Variants in KANK4 observed in about 807,000 individuals in gnomAD.
The protein encoded by KANK4 is KN motif and ankyrin repeat domains 4, also known as KN motif and ankyrin repeat domain-containing protein 4.
Under a neutral mutation model 80.8 loss-of-function variants are expected in KANK4, and 50 were observed. The ratio of observed to expected loss-of-function variants is 0.62; its 90% confidence interval spans 0.49 to 0.78. The LOEUF (loss-of-function observed/expected upper bound fraction) is 0.78, where lower values mean the gene tolerates loss of function less well. KANK4 is among the 30% of genes least tolerant of loss of function. The pLI, the probability that KANK4 is intolerant of heterozygous loss-of-function variation, is 0.00. For missense variants in KANK4, 1,196 were observed against 1,240.1 expected (o/e 0.96, Z 0.53); for synonymous variants, 465 against 506.9 (o/e 0.92, Z 1.11).
At chr1:62,297,257 A>G (rs1298061115) in intron 1 of KANK4, among the ~76,000 whole-genome samples, 4 of 151,284 alleles carry the variant, frequency 2.6e-5, no homozygotes, top group African/African-American at 9.8e-5. Flanking sequence ...TAAATAAAAA[A>G]TACTAGTAAA....
At chr1:62,275,161 ATC>A in intron 2 of KANK4, 74 bp from the exon 3 acceptor site, 1 of 1,152,336 alleles carries the variant, frequency 8.7e-7, no homozygotes, top group South Asian at 1.5e-5. Flanking sequence ...GAGGCCTAAT[ATC>A]TCTGATTTTA....
At chr1:62,317,990 A>G (rs1236859934) in intron 1 of KANK4, among the ~76,000 whole-genome samples, 1 of 152,164 alleles carries the variant, frequency 6.6e-6, no homozygotes, top group Non-Finnish European at 1.5e-5. Flanking sequence ...CTGGGCTTGA[A>G]AAGGCAGTAT....
intron 1 of KANK4, among the ~76,000 whole-genome samples, chr1:62,316,327 T>C (rs553719429): frequency 3.3e-4 from 50 of 152,300 alleles, no homozygotes; most frequent in African/African-American, 9.9e-4. Flanking sequence ...AATATTTTTC[T>C]CCCTGTCACA....
chr1:62,318,949 G>A (rs1238087226), intron 1 of KANK4, among the ~76,000 whole-genome samples, 157 bp downstream of exon 1: 1 of 152,242 alleles, frequency 6.6e-6, no homozygotes, highest in African/African-American at 2.4e-5. Flanking sequence ...CTGCTTTAAA[G>A]GGAGCCGGGG....
intron 1 of KANK4, among the ~76,000 whole-genome samples, chr1:62,318,027 G>A (rs1034917784): frequency 5.3e-5 from 8 of 152,166 alleles, no homozygotes; most frequent in African/African-American, 1.9e-4. Context: ...TCCATTCCCA[G>A]TGTAGCTTTC....
intron 1 of KANK4, among the ~76,000 whole-genome samples, chr1:62,309,865 G>C (rs1644484049): frequency 6.6e-6 from 1 of 152,176 alleles, no homozygotes; most frequent in South Asian, 2.1e-4. Flanking sequence ...TTCAAAAGCG[G>C]GGAATTTCTC....
At chr1:62,262,215 A>G (rs1671902916) in intron 7 of KANK4, among the ~76,000 whole-genome samples, 1 of 152,240 alleles carries the variant, frequency 6.6e-6, no homozygotes, top group Non-Finnish European at 1.5e-5. Flanking sequence ...GACAGAGTAC[A>G]AAACCTGACT....
Position 62,236,593 on chromosome 1 carries a change from ATT to A in KANK4, c.*1682_*1683del, listed in dbSNP as rs11449212. Reference sequence around the variant, plus strand: ...ATGGCCTTAATGGGTTACAAATTGGATTTTTTTTTTTTTTTTTTTTGAGACAG... The same window carrying A: ...ATGGCCTTAATGGGTTACAAATTGGATTTTTTTTTTTTTTTTTTGAGACAG... On this transcript the variant is annotated 3_prime_UTR_variant, in exon 10 of 10. Coordinates refer to ENST00000371153, the MANE Select transcript of KANK4 (RefSeq NM_181712.5). Among the ~76,000 whole-genome samples, 44,424 of 123,956 alleles carry A rather than the reference ATT, an allele frequency of 0.36. 7,575 individuals are homozygous for A. The highest frequency in any genetic ancestry group is 0.78 in the East Asian group (3,259 of 4,152). 81.3% of individuals were successfully genotyped at this position (123,956 alleles called of 152,430 possible). A position where few individuals can be genotyped will look rare whatever the true frequency, so the allele number is the denominator to read the frequency against.
At chr1:62,289,826 G>T (rs1672644387) in intron 1 of KANK4, among the ~76,000 whole-genome samples, 1 of 152,118 alleles carries the variant, frequency 6.6e-6, no homozygotes. Context: ...TAACATAATT[G>T]AAGGGCAAGT....
At chr1:62,316,770 A>G (rs1219907726) in intron 1 of KANK4, among the ~76,000 whole-genome samples, 2 of 152,186 alleles carry the variant, frequency 1.3e-5, no homozygotes, top group African/African-American at 4.8e-5. Context: ...TTTCCATCCA[A>G]CAAGCATTTT....
At chr1:62,309,041 G>A (rs1329433755) in intron 1 of KANK4, among the ~76,000 whole-genome samples, 1 of 152,146 alleles carries the variant, frequency 6.6e-6, no homozygotes, top group Admixed American at 6.5e-5. Context: ...AGCCTGTCTG[G>A]GCTGCTATCA....
intron 6 of KANK4, among the ~76,000 whole-genome samples, chr1:62,265,384 C>T (rs1192732695): frequency 6.6e-6 from 1 of 151,948 alleles, no homozygotes; most frequent in East Asian, 1.9e-4. Context: ...GGACTACAGG[C>T]GTGTGCCACC....
intron 9 of KANK4, among the ~76,000 whole-genome samples, chr1:62,243,857 C>T (rs1417161832): frequency 1.3e-5 from 2 of 152,184 alleles, no homozygotes; most frequent in African/African-American, 2.4e-5. Context: ...AGGGGTCAGT[C>T]GCCCTACTCT....
intron 1 of KANK4, among the ~76,000 whole-genome samples, chr1:62,289,254 C>G (rs1317297191): frequency 6.6e-6 from 1 of 152,332 alleles, no homozygotes; most frequent in Middle Eastern, 3.4e-3. Context: ...ACTGTTACTT[C>G]TATTGTCCAA....
Position 62,284,568 on chromosome 1 carries a change from CT to C in KANK4, c.-70-2935del, listed in dbSNP as rs1672520879. ...TCCTGACTTCAGGTGATCCGCCCAC[CT>C]TGGCCTCCCAAAGTGCTGGGATTAC... On this transcript the variant is annotated intron_variant, in intron 1 of 9. Transcript: ENST00000371153. Among the ~76,000 whole-genome samples the C allele has an allele frequency of 6.6e-5, 10 of 152,356 alleles. No homozygotes were observed. The South Asian group carries it at 2.1e-3, about 32-fold the overall frequency.
At chr1:62,307,223 C>T (rs1644459262) in intron 1 of KANK4, among the ~76,000 whole-genome samples, 1 of 152,130 alleles carries the variant, frequency 6.6e-6, no homozygotes, top group African/African-American at 2.4e-5. Flanking sequence ...TGGCTCACAC[C>T]TGTAATCTCA....
At chr1:62,318,511 T>C (rs983046300) in intron 1 of KANK4, among the ~76,000 whole-genome samples, 1 of 152,214 alleles carries the variant, frequency 6.6e-6, no homozygotes, top group Non-Finnish European at 1.5e-5. Flanking sequence ...CACTCGGAGC[T>C]GCCCCATTGC....
chr1:62,236,948 G>A lies in KANK4; in HGVS notation c.*1329C>T, dbSNP rs772554857. The A allele has an allele frequency of 3.3e-5, 5 of 152,156 alleles. No individual in the cohort carries two copies. Among genetic ancestry groups the A allele is most frequent in the Non-Finnish European group, 5.9e-5 (4 of 68,020 alleles). The allele number at this position is 152,156 out of a possible 1,614,324, so 9.4% of individuals were successfully genotyped here. ...GCTGCTTCTTGTGCAGCACCTCCCA[G>A]GAGGTAGGTTGTATGACAATTTCTG... On this transcript the variant is annotated 3_prime_UTR_variant, in exon 10 of 10. Coordinates refer to ENST00000371153, the MANE Select transcript of KANK4 (RefSeq NM_181712.5).
At chr1:62,297,292 AATT>A (rs1644374404) in intron 1 of KANK4, among the ~76,000 whole-genome samples, 1 of 85,040 alleles carries the variant, frequency 1.2e-5, no homozygotes, top group Non-Finnish European at 2.3e-5. Flanking sequence ...TAATAATAAT[AATT>A]ATTATTGCTA....
Sources: gnomAD v4.1 joint callset for allele counts (sites outside exome capture counted in the v4.1 genomes callset) on GRCh38, gnomAD v4.1.1 for gene constraint, MANE v1.5 for transcripts, NCBI Gene and HGNC (gene_info 2026-07-23, HGNC 2026-07-21) for gene names.